The following VSTM2L variants were observed in gnomAD, a reference collection of about 807,000 sequenced individuals.
VSTM2L encodes V-set and transmembrane domain-containing protein 2-like protein.
VSTM2L carries 9 observed loss-of-function variants against 19.9 expected under a neutral mutation model. That is an observed-to-expected ratio of 0.45 (90% CI 0.27 to 0.79). VSTM2L has a LOEUF of 0.79. Ranked by LOEUF, VSTM2L falls within the 30% of genes least tolerant of loss-of-function variation. The probability of loss-of-function intolerance (pLI) is 0.15; values close to 1 mark genes in which losing one functional copy is unlikely to be tolerated. For synonymous variants in VSTM2L, 127 were observed against 133.8 expected (o/e 0.95, Z 0.35); for missense variants, 286 against 295.5 (o/e 0.97, Z 0.24).
chr20:37,905,447 C>T (rs538111990), intron 1 of VSTM2L, among the ~76,000 whole-genome samples: 18 of 152,286 alleles, frequency 1.2e-4, no homozygotes, highest in African/African-American at 4.3e-4. Context: ...TCCCCTGGTG[C>T]CAGGTAAGCT....
intron 1 of VSTM2L, among the ~76,000 whole-genome samples, chr20:37,914,385 TGTGG>T (rs1568835292): frequency 1.7e-3 from 253 of 150,552 alleles, no homozygotes; most frequent in Middle Eastern, 7.1e-3. Flanking sequence ...TGGGTGTATG[TGTGG>T]GTGTGTGTAT....
chr20:37,933,613 GA>G (rs1568841815), intron 3 of VSTM2L, 24 bp downstream of exon 3: 5 of 1,613,448 alleles, frequency 3.1e-6, no homozygotes, highest in Admixed American at 3.3e-5. Context: ...ATGACTTCTC[GA>G]AAGGGCTCTA....
chr20:37,918,367 GTC>G (rs1202359367), intron 1 of VSTM2L, among the ~76,000 whole-genome samples: 1 of 152,198 alleles, frequency 6.6e-6, no homozygotes, highest in African/African-American at 2.4e-5. Context: ...TAAGAAGAAA[GTC>G]TCTGCTGGTG....
rs901199622 is a variant in VSTM2L, at chr20:37,903,335, G to C, written c.-16G>C. ...CCAGATGTGAGGCGGCGGCGCCCCC[G>C]GCCCGAGAGCGCACGATGGGGGCCC... is the stretch of plus-strand genomic sequence containing the variant. On this transcript the variant is annotated 5_prime_UTR_variant, in exon 1 of 4. Transcript: ENST00000373461. 39 of 1,436,846 alleles carry C rather than the reference G, an allele frequency of 2.7e-5. No individual in the cohort carries two copies. Among genetic ancestry groups the C allele is most frequent in the Non-Finnish European group, 3.4e-5 (37 of 1,102,480 alleles). 89.0% of individuals were successfully genotyped at this position (1,436,846 alleles called of 1,614,324 possible).
At chr20:37,931,578 C>T in intron 1 of VSTM2L, 57 bp from the exon 2 acceptor site, 4 of 1,555,854 alleles carry the variant, frequency 2.6e-6, no homozygotes, top group Non-Finnish European at 3.5e-6. Context: ...ACCTCCTTCA[C>T]CCACTAGCCC....
Position 37,944,092 on chromosome 20 carries a change from G to A in VSTM2L, c.454G>A (p.Ala152Thr). The change falls in exon 4 of 4, where the codon GCC (alanine) becomes ACC (threonine). Residue 152 changes from alanine to threonine, a missense_variant. Coordinates refer to ENST00000373461, the MANE Select transcript of VSTM2L (RefSeq NM_080607.3). ...CGTCATCGACTTCAGCGACGGCAAG[G>A]CCCGGCACCACAAGGTCAAGGCCTA... ...CRVIDFSDGK[A>T]RHHKVKAYLR... 1 of 1,612,844 alleles carries A rather than the reference G, an allele frequency of 6.2e-7. No individual in the cohort carries two copies. The highest frequency in any genetic ancestry group is 8.5e-7 in the Non-Finnish European group (1 of 1,179,358).
intron 3 of VSTM2L, among the ~76,000 whole-genome samples, chr20:37,940,340 C>G (rs1479199841): frequency 6.6e-6 from 1 of 152,244 alleles, no homozygotes; most frequent in East Asian, 1.9e-4. Flanking sequence ...GGGTTTCCCA[C>G]TGCTTGCCAT....
At chr20:37,908,300 G>A (rs1212168982) in intron 1 of VSTM2L, among the ~76,000 whole-genome samples, 1 of 152,246 alleles carries the variant, frequency 6.6e-6, no homozygotes, top group East Asian at 1.9e-4. Flanking sequence ...AAGTGGGCAG[G>A]GTGAGGGGAG....
chr20:37,909,358 ACT>A (rs2072767463), intron 1 of VSTM2L, among the ~76,000 whole-genome samples: 1 of 151,684 alleles, frequency 6.6e-6, no homozygotes, highest in Admixed American at 6.6e-5. Context: ...TTGTGGGAAG[ACT>A]CTCTCAGTCC....
intron 1 of VSTM2L, among the ~76,000 whole-genome samples, chr20:37,910,983 G>A (rs1044617521): frequency 6.6e-6 from 1 of 150,916 alleles, no homozygotes; most frequent in Non-Finnish European, 1.5e-5. Flanking sequence ...TAAGATTTAA[G>A]AAGCTGGGGC....
At chr20:37,903,624 C>CCTGGCCCT (rs1422449485) in intron 1 of VSTM2L, among the ~76,000 whole-genome samples, 153 bp downstream of exon 1, 1 of 152,076 alleles carries the variant, frequency 6.6e-6, no homozygotes, top group Non-Finnish European at 1.5e-5. Flanking sequence ...GCCCTGGCAC[C>CCTGGCCCT]CTGGCCCTGC....
intron 3 of VSTM2L, among the ~76,000 whole-genome samples, chr20:37,938,241 A>G (rs6013477): frequency 0.65 from 98,908 of 151,978 alleles, 33,066 homozygotes; most frequent in African/African-American, 0.82. Context: ...TGGAGTGTGC[A>G]GAGTGCAGAA....
In VSTM2L at chr20:37,944,384, C is replaced by A; in HGVS notation, c.*131C>A. ...CCGAGGCCGCCTGTGGCCACCATGT[C>A]GGCCCTCTTTCCACCACCCCTTGCT... is the stretch of plus-strand genomic sequence containing the variant. On this transcript the variant is annotated 3_prime_UTR_variant, in exon 4 of 4. Transcript: ENST00000373461. 7.8e-7 allele frequency: 1 copy of A among 1,278,728 alleles called. No individual in the cohort carries two copies. Among genetic ancestry groups the A allele is most frequent in the South Asian group, 2.0e-5 (1 of 50,576 alleles). 79.2% of individuals were successfully genotyped at this position (1,278,728 alleles called of 1,614,324 possible). A position where few individuals can be genotyped will look rare whatever the true frequency, so the allele number is the denominator to read the frequency against.
At chr20:37,924,953 C>T (rs2072872050) in intron 1 of VSTM2L, among the ~76,000 whole-genome samples, 1 of 152,180 alleles carries the variant, frequency 6.6e-6, no homozygotes, top group Non-Finnish European at 1.5e-5. Flanking sequence ...TTGGTCACAA[C>T]TGCCAGTCAG....
At chr20:37,908,362 C>T (rs1201550773) in intron 1 of VSTM2L, among the ~76,000 whole-genome samples, 1 of 152,062 alleles carries the variant, frequency 6.6e-6, no homozygotes, top group Non-Finnish European at 1.5e-5. Flanking sequence ...GGAGATGGAG[C>T]TTTTGGAATG....
At chr20:37,941,415 C>T (rs1036472029) in intron 3 of VSTM2L, among the ~76,000 whole-genome samples, 10 of 152,112 alleles carry the variant, frequency 6.6e-5, no homozygotes, top group Non-Finnish European at 1.3e-4. Flanking sequence ...GTGAGGTCAG[C>T]AAGAGTTTCC....
In VSTM2L at chr20:37,931,789, G is replaced by T. The variant is rs191522561; in HGVS notation, c.276G>T (p.Ala92=). 8.1e-6 allele frequency: 13 copies of T among 1,613,754 alleles called. No individual in the cohort carries two copies. The highest frequency in any genetic ancestry group is 1.1e-5 in the Non-Finnish European group (13 of 1,179,940). ...ACCGGGACTGGACCGACAAGCAGGC[G>T]TGGGCCTCGAACCAGGTAATGCCCC... ...RSHRDWTDKQ[A]WASNQLKASQ... is the part of the protein sequence containing the mutation. The change falls in exon 2 of 4, where the codon GCG becomes GCT. Residue 92 remains alanine (A), a synonymous_variant. Transcript: ENST00000373461.
intron 1 of VSTM2L, among the ~76,000 whole-genome samples, chr20:37,909,103 G>A (rs1162562000): frequency 6.6e-6 from 1 of 152,170 alleles, no homozygotes; most frequent in Non-Finnish European, 1.5e-5. Context: ...GTCACACAGA[G>A]GGGAAGAGCA....
intron 1 of VSTM2L, among the ~76,000 whole-genome samples, chr20:37,927,090 A>G (rs1030811733): frequency 6.6e-6 from 1 of 152,100 alleles, no homozygotes; most frequent in Admixed American, 6.6e-5. Flanking sequence ...TTAGCCTCCC[A>G]AGTAGCTGGG....
Sources: gnomAD v4.1 joint callset for allele counts (sites outside exome capture counted in the v4.1 genomes callset) on GRCh38, gnomAD v4.1.1 for gene constraint, MANE v1.5 for transcripts, NCBI Gene and HGNC (gene_info 2026-07-23, HGNC 2026-07-21) for gene names.